The following PPIP5K2 variants were observed in gnomAD, a reference collection of about 807,000 sequenced individuals.
PPIP5K2 encodes diphosphoinositol pentakisphosphate kinase 2.
In PPIP5K2, 105 loss-of-function variants were observed where a neutral mutation model predicts 154.6. That is an observed-to-expected ratio of 0.68 (90% CI 0.58 to 0.80). The LOEUF (loss-of-function observed/expected upper bound fraction) is 0.80, where lower values mean the gene tolerates loss of function less well. PPIP5K2 is among the 30% of genes least tolerant of loss of function. The pLI, the probability that PPIP5K2 is intolerant of heterozygous loss-of-function variation, is 0.00. For missense variants in PPIP5K2, 992 were observed against 1,504.6 expected (o/e 0.66, Z 5.64); for synonymous variants, 480 against 490.3 (o/e 0.98, Z 0.28).
intron 19 of PPIP5K2, among the ~76,000 whole-genome samples, chr5:103,172,217 C>G (rs1554219732): frequency 1.3e-5 from 2 of 151,582 alleles, no homozygotes. Context: ...TATATAGTCA[C>G]CTACATTGGC....
intron 21 of PPIP5K2, chr5:103,176,941 T>G: frequency 7.0e-7 from 1 of 1,425,362 alleles, no homozygotes. Context: ...ATATGCCTCC[T>G]TCTTCTGATT....
In PPIP5K2 at chr5:103,194,900, C is replaced by T. The variant is rs148852386; in HGVS notation, c.3494C>T (p.Ser1165Phe). The T allele has an allele frequency of 2.9e-5, 47 of 1,600,384 alleles. No homozygotes were observed. Among genetic ancestry groups the T allele is most frequent in the Non-Finnish European group, 3.7e-5 (44 of 1,174,948 alleles). The change falls in exon 30 of 31, where the codon TCC (serine) becomes TTC (phenylalanine). Residue 1165 changes from serine to phenylalanine, a missense_variant and splice_region_variant. Ser to Phe is a radical substitution (Grantham distance 155, BLOSUM62 -2). Transcript: ENST00000358359. ...SDVPRKTAEI[S>F]STALRSSPIM... is the part of the protein sequence containing the mutation. The stretch of plus-strand genomic sequence containing the variant: ...AACATGTTTGTTTATTTTTTTTCAG[C>T]CTCTACAGCTTTACGTTCCAGTCCA...
intron 4 of PPIP5K2, 36 bp from the exon 5 acceptor site, chr5:103,138,348 C>G: frequency 8.2e-7 from 1 of 1,220,472 alleles, no homozygotes. Context: ...TGAAATGGAG[C>G]AATAAAACAA....
Position 103,138,366 on chromosome 5 carries a change from G to A in PPIP5K2, c.402-18G>A, listed in dbSNP as rs782716090. 1 of 1,406,738 alleles carries A rather than the reference G, an allele frequency of 7.1e-7. No homozygotes were observed. Among genetic ancestry groups the A allele is most frequent in the South Asian group, 1.3e-5 (1 of 79,224 alleles). The allele number at this position is 1,406,738 out of a possible 1,614,324, so 87.1% of individuals were successfully genotyped here. A position where few individuals can be genotyped will look rare whatever the true frequency, so the allele number is the denominator to read the frequency against. ...AATGGAGCAATAAAACAATAAGGAT[G>A]TTTCCCTTTTTCTTCAGGAGAGAAG... On this transcript the variant is annotated intron_variant, in intron 4 of 30. Coordinates refer to ENST00000358359, the MANE Select transcript of PPIP5K2 (RefSeq NM_001276277.3).
intron 1 of PPIP5K2, among the ~76,000 whole-genome samples, chr5:103,126,749 T>G (rs1450233019): frequency 2.6e-5 from 4 of 151,340 alleles, no homozygotes; most frequent in Non-Finnish European, 5.9e-5. Flanking sequence ...TTTCACGTTT[T>G]TTTTTTTTTT....
Position 103,168,143 on chromosome 5 carries a change from A to T in PPIP5K2, c.2134A>T (p.Lys712Ter). Residue 712 changes from lysine (K) to a stop codon, truncating the protein, a stop_gained, in exon 19 of 31, where the codon AAA becomes TAA. Transcript: ENST00000358359. LOFTEE classifies it high-confidence loss of function. The part of the protein sequence containing the change: ...RRWSKLEKDF[K>*]TKNGRYDISK... ...ATGGTCCAAGTTAGAGAAAGACTTTAAAACAAAGAATGGAAGATATGATAT... is the reference window on the plus strand; with the variant it reads ...ATGGTCCAAGTTAGAGAAAGACTTTTAAACAAAGAATGGAAGATATGATAT... 1 of 1,610,532 alleles carries T rather than the reference A, an allele frequency of 6.2e-7. No individual in the cohort carries two copies. Among genetic ancestry groups the T allele is most frequent in the Non-Finnish European group, 8.5e-7 (1 of 1,177,494 alleles).
At chr5:103,150,246 G>A (rs1794410475) in intron 8 of PPIP5K2, among the ~76,000 whole-genome samples, 2 of 152,148 alleles carry the variant, frequency 1.3e-5, no homozygotes, top group South Asian at 4.1e-4. Flanking sequence ...AGGAATGTTA[G>A]CCTGTAAATA....
intron 17 of PPIP5K2, among the ~76,000 whole-genome samples, chr5:103,160,119 A>G (rs560081345): frequency 3.3e-5 from 5 of 152,324 alleles, no homozygotes; most frequent in Non-Finnish European, 7.4e-5. Flanking sequence ...TTAAGGCTAG[A>G]TGATGATACT....
At chr5:103,142,409 C>G (rs919900922) in intron 5 of PPIP5K2, among the ~76,000 whole-genome samples, 1 of 152,198 alleles carries the variant, frequency 6.6e-6, no homozygotes, top group Admixed American at 6.5e-5. Context: ...AGTTCCCGCT[C>G]GCGCCTCTCC....
At chr5:103,166,352 CA>C (rs1797112697) in intron 17 of PPIP5K2, among the ~76,000 whole-genome samples, 1 of 152,006 alleles carries the variant, frequency 6.6e-6, no homozygotes, top group Non-Finnish European at 1.5e-5. Context: ...TCCTCTCAGA[CA>C]AGGGCAGTTT....
At chr5:103,157,208 T>G (rs539122128) in intron 14 of PPIP5K2, among the ~76,000 whole-genome samples, 1 of 152,080 alleles carries the variant, frequency 6.6e-6, no homozygotes, top group Non-Finnish European at 1.5e-5. Context: ...ACTTTTTTTT[T>G]CAGAACCCAA....
At chr5:103,144,736 C>T (rs1428167372) in intron 5 of PPIP5K2, among the ~76,000 whole-genome samples, 3 of 152,050 alleles carry the variant, frequency 2.0e-5, no homozygotes, top group East Asian at 1.9e-4. Context: ...TCAAATTAAG[C>T]CCCTATCTCT....
intron 21 of PPIP5K2, among the ~76,000 whole-genome samples, chr5:103,176,147 A>G (rs1554220890): frequency 6.6e-6 from 1 of 152,038 alleles, no homozygotes; most frequent in Non-Finnish European, 1.5e-5. Context: ...TTAAAAAGAT[A>G]TTTTTGTGTC....
chr5:103,125,230 G>A (rs1422020085), intron 1 of PPIP5K2, among the ~76,000 whole-genome samples: 1 of 152,160 alleles, frequency 6.6e-6, no homozygotes, highest in Non-Finnish European at 1.5e-5. Flanking sequence ...TTTGATTTAA[G>A]TGATGTGGAG....
At chr5:103,188,697 T>C (rs1800771238) in intron 28 of PPIP5K2, 1 of 152,434 alleles carries the variant, frequency 6.6e-6, no homozygotes, top group East Asian at 1.9e-4. Context: ...ATTGCAGGTT[T>C]AAGACCATAG....
Position 103,190,972 on chromosome 5 carries a change from C to T in PPIP5K2, c.3483C>T (p.Thr1161=), listed in dbSNP as rs34190293. ...CATCATCTGACGTTCCACGGAAGAC[C>T]GCTGAAATTTGTAGGAAATTTTTCT... ...ASPSSDVPRK[T]AEISSTALRS... is the part of the protein sequence containing the mutation. The change falls in exon 29 of 31, where the codon ACC becomes ACT. Residue 1161 remains threonine, a synonymous_variant. Coordinates refer to ENST00000358359, the MANE Select transcript of PPIP5K2 (RefSeq NM_001276277.3). The T allele has an allele frequency of 3.4e-3, 5,444 of 1,601,008 alleles. 107 individuals are homozygous for T. The African/African-American group carries it at 0.058, about 17-fold the overall frequency.
At position 103,159,206 on chromosome 5, in the gene PPIP5K2, A is replaced by AATATGAAC. The variant is rs1795856404; in HGVS notation, c.1799_1806dup (p.Gly603IlefsTer2). 6.2e-7 allele frequency: 1 copy of AATATGAAC among 1,611,616 alleles called. No homozygotes were observed. The highest frequency in any genetic ancestry group is 8.5e-7 in the Non-Finnish European group (1 of 1,178,170). On this transcript the variant is annotated frameshift_variant, in exon 17 of 31. Transcript: ENST00000358359. LOFTEE classifies it high-confidence loss of function. ...TCTTGTTCAAATGGTGAAAAGTGCA[A>AATATGAAC]ATATGAACGGTCTTTTGGATAGTGA...
chr5:103,194,052 A>G (rs1801676218), intron 29 of PPIP5K2, among the ~76,000 whole-genome samples: 1 of 150,514 alleles, frequency 6.6e-6, no homozygotes, highest in African/African-American at 2.5e-5. Flanking sequence ...TTATAACTTA[A>G]TTAGTTTATT....
At chr5:103,159,523 C>T (rs1359949353) in intron 17 of PPIP5K2, among the ~76,000 whole-genome samples, 195 bp downstream of exon 17, 2 of 152,184 alleles carry the variant, frequency 1.3e-5, no homozygotes, top group African/African-American at 4.8e-5. Flanking sequence ...CATTCCCTAC[C>T]TCCTCAAAAA....
Sources: gnomAD v4.1 joint callset for allele counts (sites outside exome capture counted in the v4.1 genomes callset) on GRCh38, gnomAD v4.1.1 for gene constraint, MANE v1.5 for transcripts, NCBI Gene and HGNC (gene_info 2026-07-23, HGNC 2026-07-21) for gene names.